The following R3HDM2 variants were observed in gnomAD, a reference collection of about 807,000 sequenced individuals.
R3HDM2 encodes the protein R3H domain-containing protein 2.
In R3HDM2, 38 loss-of-function variants were observed where a neutral mutation model predicts 124.5. The ratio of observed to expected loss-of-function variants is 0.31; its 90% CI spans 0.24 to 0.40. The LOEUF (loss-of-function observed/expected upper bound fraction) is 0.40. Ranked by LOEUF, R3HDM2 falls within the 10% of genes least tolerant of loss-of-function variation. R3HDM2 has a pLI of 1.00. For missense variants in R3HDM2, 869 were observed against 1,236.9 expected (o/e 0.70, Z 4.46); for synonymous variants, 391 against 448.0 (o/e 0.87, Z 1.61).
intron 1 of R3HDM2, among the ~76,000 whole-genome samples, chr12:57,398,921 T>G (rs2067815940): frequency 6.6e-6 from 1 of 152,230 alleles, no homozygotes; most frequent in African/African-American, 2.4e-5. Context: ...GTCAAAGATC[T>G]GGCTACCAGC....
At chr12:57,278,658 G>C (rs761208042) in intron 14 of R3HDM2, among the ~76,000 whole-genome samples, 1 of 152,128 alleles carries the variant, frequency 6.6e-6, no homozygotes, top group Non-Finnish European at 1.5e-5. Context: ...GCTTCAGTAG[G>C]GAGCAAGGTA....
chr12:57,428,223 A>G (rs1397439637), intron 1 of R3HDM2, among the ~76,000 whole-genome samples: 2 of 152,134 alleles, frequency 1.3e-5, no homozygotes, highest in African/African-American at 4.8e-5. Flanking sequence ...ACTCAGGAAG[A>G]GGAAACAAGA....
At chr12:57,288,719 T>G in intron 12 of R3HDM2, 3 of 717,598 alleles carry the variant, frequency 4.2e-6, no homozygotes, top group Non-Finnish European at 6.8e-6. Context: ...GGGAAAAATA[T>G]CCAATGTTGC....
intron 1 of R3HDM2, among the ~76,000 whole-genome samples, chr12:57,411,097 A>G (rs970138527): frequency 1.3e-5 from 2 of 152,242 alleles, no homozygotes; most frequent in Non-Finnish European, 2.9e-5. Flanking sequence ...CACACAACTA[A>G]TAAGTTAGTA....
chr12:57,330,272 T>C (rs2057949289), intron 2 of R3HDM2, among the ~76,000 whole-genome samples: 1 of 151,702 alleles, frequency 6.6e-6, no homozygotes, highest in South Asian at 2.1e-4. Context: ...GGCCAGATTA[T>C]TCATTATTAA....
In R3HDM2 at chr12:57,430,727, G is replaced by C; in HGVS notation, c.-113C>G. The C allele has an allele frequency of 6.8e-6, 2 of 294,934 alleles. No homozygotes were observed. The highest frequency in any genetic ancestry group is 1.0e-5 in the Non-Finnish European group (2 of 200,282). 18.3% of individuals were successfully genotyped at this position (294,934 alleles called of 1,614,324 possible). On this transcript the variant is annotated 5_prime_UTR_variant, in exon 1 of 24. Coordinates refer to ENST00000402412, the MANE Select transcript of R3HDM2 (RefSeq NM_001394031.1). ...GCCGGGAGGTGGCCTCACCTCGCAC[G>C]GGCCTTGGCGGGGAGGGCGCCCACG...
intron 10 of R3HDM2, among the ~76,000 whole-genome samples, chr12:57,293,148 T>C (rs1375493140): frequency 6.6e-6 from 1 of 152,164 alleles, no homozygotes; most frequent in Non-Finnish European, 1.5e-5. Context: ...TAGTCACTAA[T>C]GCCATGGCCT....
intron 2 of R3HDM2, among the ~76,000 whole-genome samples, chr12:57,379,564 G>A (rs569773763): frequency 8.3e-4 from 126 of 151,816 alleles, no homozygotes; most frequent in Non-Finnish European, 1.3e-3. Flanking sequence ...TGGGCAACAA[G>A]AGCGAAAATC....
At position 57,371,083 on chromosome 12, in the gene R3HDM2, C is replaced by CTTTTTTTTTTTTTTTTTTTTTTTT. The variant is rs775839017; in HGVS notation, c.-36+24642_-36+24665dup. Among the ~76,000 whole-genome samples, 3 of 40,898 alleles carry CTTTTTTTTTTTTTTTTTTTTTTTT rather than the reference C, an allele frequency of 7.3e-5. 1 individual carries two copies. The highest frequency in any genetic ancestry group is 2.6e-4 in the African/African-American group (3 of 11,694). The allele number at this position is 40,898 out of a possible 152,430, so 26.8% of individuals were successfully genotyped here. On this transcript the variant is annotated intron_variant, in intron 2 of 23. Transcript: ENST00000402412. ...AATGGGAACCAAATATATACCATTA[C>CTTTTTTTTTTTTTTTTTTTTTTTT]TTTTTTTTTTTTTTTTTTTTTTTTT...
chr12:57,303,660 T>C (rs1280770035), intron 3 of R3HDM2, among the ~76,000 whole-genome samples: 1 of 151,606 alleles, frequency 6.6e-6, no homozygotes. Context: ...CATGCACCTG[T>C]AGTCTCAGGT....
At chr12:57,419,390 G>A (rs911943980) in intron 1 of R3HDM2, among the ~76,000 whole-genome samples, 148 of 151,600 alleles carry the variant, frequency 9.8e-4, no homozygotes, top group African/African-American at 3.4e-3. Flanking sequence ...TGATCTGCCC[G>A]CCTCAGCCTC....
At chr12:57,418,045 T>C (rs935193410) in intron 1 of R3HDM2, 3 of 523,092 alleles carry the variant, frequency 5.7e-6, no homozygotes, top group Middle Eastern at 9.4e-4. Context: ...CCTGCCTCTC[T>C]CTAGCACTCC....
intron 1 of R3HDM2, among the ~76,000 whole-genome samples, chr12:57,397,440 T>G (rs2067661389): frequency 6.6e-6 from 1 of 152,216 alleles, no homozygotes; most frequent in South Asian, 2.1e-4. Context: ...TATATAACCC[T>G]GTTCCACAAA....
At position 57,295,717 on chromosome 12, in the gene R3HDM2, T is replaced by C. The variant is rs936204806; in HGVS notation, c.702-210A>G. ...TAACTTCTCTTCCTCCATAGTTATA[T>C]CTGTCCTATCAGTGAAGTGAAGAGA... On this transcript the variant is annotated intron_variant, in intron 9 of 23. Transcript: ENST00000402412. The C allele has an allele frequency of 8.6e-5, 45 of 520,290 alleles. No homozygotes were observed. In the East Asian group the frequency reaches 1.1e-3, roughly 13 times the overall value. 32.2% of individuals were successfully genotyped at this position (520,290 alleles called of 1,614,324 possible).
At chr12:57,364,679 G>A (rs1271341492) in intron 2 of R3HDM2, among the ~76,000 whole-genome samples, 1 of 151,966 alleles carries the variant, frequency 6.6e-6, no homozygotes, top group African/African-American at 2.4e-5. Context: ...ACCAGGCGGG[G>A]CGCAGTGGCT....
chr12:57,329,619 T>C (rs940270861), intron 2 of R3HDM2, among the ~76,000 whole-genome samples: 21 of 152,202 alleles, frequency 1.4e-4, no homozygotes, highest in African/African-American at 4.6e-4. Flanking sequence ...TTTTCTCTTA[T>C]GAGTAACATA....
chr12:57,269,524 C>A, intron 15 of R3HDM2, 75 bp from the exon 16 acceptor site: 1 of 1,559,178 alleles, frequency 6.4e-7, no homozygotes. Flanking sequence ...CTATAAATGC[C>A]TCAAGATTGA....
chr12:57,313,369 A>G (rs866639973), intron 2 of R3HDM2, among the ~76,000 whole-genome samples: 1 of 151,702 alleles, frequency 6.6e-6, no homozygotes, highest in African/African-American at 2.4e-5. Flanking sequence ...AGACTAGCCT[A>G]GACAACACAG....
chr12:57,352,492 C>CTT (rs759397684), intron 2 of R3HDM2, among the ~76,000 whole-genome samples: 16 of 125,004 alleles, frequency 1.3e-4, no homozygotes, highest in South Asian at 5.2e-4. Context: ...TAGGCAAACG[C>CTT]TTTTTTTTTT....
Sources: allele counts gnomAD v4.1 joint callset (sites outside exome capture counted in the v4.1 genomes callset), GRCh38; gene constraint gnomAD v4.1.1; transcripts MANE v1.5; gene names NCBI Gene and HGNC (gene_info 2026-07-23, HGNC 2026-07-21).